CGN: variants seen among roughly 807,000 people sequenced by gnomAD.
CGN encodes the protein cingulin.
A neutral mutation model predicts 157.1 loss-of-function variants in CGN; 121 were observed. The observed-to-expected ratio is 0.77, with a 90% CI of 0.66 to 0.90. The LOEUF is 0.90. Ranked by LOEUF, CGN falls within the 40% of genes least tolerant of loss-of-function variation. The probability of loss-of-function intolerance (pLI) is 0.00; values close to 1 mark genes in which losing one functional copy is unlikely to be tolerated. For synonymous variants in CGN, 535 were observed against 607.5 expected (o/e 0.88, Z 1.76); for missense variants, 1,424 against 1,520.9 (o/e 0.94, Z 1.06).
intron 18 of CGN, 84 bp from the exon 19 acceptor site, chr1:151,536,153 G>A: frequency 1.1e-6 from 1 of 873,310 alleles, no homozygotes; most frequent in African/African-American, 1.6e-5. Context: ...ATGGCTGAGA[G>A]GAGTCCTTGG....
At chr1:151,534,162 G>A (rs1664908342) in intron 15 of CGN, 26 bp downstream of exon 15, 1 of 1,546,910 alleles carries the variant, frequency 6.5e-7, no homozygotes, top group Non-Finnish European at 8.7e-7. Flanking sequence ...TGTGACCTGT[G>A]GAAAAAGGGT....
intron 9 of CGN, 49 bp from the exon 10 acceptor site, chr1:151,526,926 T>G (rs1664693938): frequency 6.2e-7 from 1 of 1,611,924 alleles, no homozygotes; most frequent in Non-Finnish European, 8.5e-7. Context: ...CCCAGGCATG[T>G]GGCCTTACTC....
chr1:151,520,144 TC>T (rs1553245453), intron 2 of CGN, 21 bp from the exon 3 acceptor site: 1 of 1,551,052 alleles, frequency 6.4e-7, no homozygotes, highest in Non-Finnish European at 8.8e-7. Flanking sequence ...CTTTTTTTTT[TC>T]TTTTTCTTTT....
chr1:151,519,258 A>G lies in CGN; in HGVS notation c.739A>G (p.Thr247Ala). The change falls in exon 2 of 21, where the codon ACT (threonine) becomes GCT (alanine). Residue 247 changes from threonine to alanine, a missense_variant. Thr to Ala is a moderately conservative substitution (Grantham distance 58). This residue lies in a region of CGN where 1,187 missense variants were observed against 1,217.6 expected (regional missense o/e 0.97). Transcript: ENST00000271636. ...SSTKYDNHVG[T>A]SKQPAQSQNL... ...CACAAAATATGACAACCATGTGGGC[A>G]CTTCGAAGCAGCCAGCCCAGAGCCA... The G allele has an allele frequency of 6.2e-7, 1 of 1,614,138 alleles. No homozygotes were observed. Among genetic ancestry groups the G allele is most frequent in the African/African-American group, 1.3e-5 (1 of 75,052 alleles).
At chr1:151,525,204 C>A (rs1398685588) in intron 8 of CGN, among the ~76,000 whole-genome samples, 1 of 152,040 alleles carries the variant, frequency 6.6e-6, no homozygotes, top group Non-Finnish European at 1.5e-5. Context: ...TAGAGACCAG[C>A]CTGGGTAACA....
At chr1:151,525,842 TTC>T in intron 9 of CGN, 52 bp downstream of exon 9, 3 of 1,260,556 alleles carry the variant, frequency 2.4e-6, no homozygotes, top group Non-Finnish European at 3.1e-6. Context: ...GCCACTTCCT[TTC>T]TTTTTTTTAA....
In CGN at chr1:151,532,419, G is replaced by A; in HGVS notation, c.2589G>A (p.Glu863=). 6.3e-7 allele frequency: 1 copy of A among 1,575,988 alleles called. No individual in the cohort carries two copies. Among genetic ancestry groups the A allele is most frequent in the Admixed American group, 1.9e-5 (1 of 51,482 alleles). ...TGTTTCAGTTGGAGAAGATCGGGGA[G>A]GACTCTAAGCAAGCCCTGCAGCAGC... ...RLNKELEKIG[E]DSKQALQQLQ... The change falls in exon 14 of 21, where the codon GAG becomes GAA. Residue 863 remains glutamate (E), a synonymous_variant. Transcript: ENST00000271636.
At chr1:151,526,705 C>A (rs1664689239) in intron 9 of CGN, among the ~76,000 whole-genome samples, 1 of 152,140 alleles carries the variant, frequency 6.6e-6, no homozygotes, top group South Asian at 2.1e-4. Context: ...AACTCCTGGG[C>A]TCAAGTGATC....
Position 151,524,567 on chromosome 1 carries a change from C to T in CGN, c.1402-107C>T, listed in dbSNP as rs1187354775. 1.7e-6 allele frequency: 2 copies of T among 1,167,484 alleles called. No individual in the cohort carries two copies. The highest frequency in any genetic ancestry group is 2.4e-6 in the Non-Finnish European group (2 of 818,478). 72.3% of individuals were successfully genotyped at this position (1,167,484 alleles called of 1,614,324 possible). On this transcript the variant is annotated intron_variant, in intron 7 of 20. Transcript: ENST00000271636. The surrounding 1 kb of genome is among the most constrained non-coding windows in gnomAD (Gnocchi z 4.4). ...CTGGGCTCCAGTACTGGTACTAGAG[C>T]ACCTGGTACTGTGCCTAATACGATA...
chr1:151,530,490 C>G lies in CGN; in HGVS notation c.2315C>G (p.Ala772Gly), dbSNP rs144143337. 0.011 allele frequency: 17,576 copies of G among 1,575,974 alleles called. 198 individuals carry two copies. The highest frequency in any genetic ancestry group is 0.011 in the Non-Finnish European group (12,780 of 1,169,030). ...RLRDKLQRLEAEKQQLEEALN... is the reference protein window; with the variant it reads ...RLRDKLQRLEGEKQQLEEALN... ...CAACCCTGCTTCCCTACCTCCCAGG[C>G]AGAGAAACAGCAGCTGGAGGAGGCC... Residue 772 changes from alanine (A) to glycine (G), a missense_variant and splice_region_variant, in exon 13 of 21, where the codon GCA (alanine) becomes GGA (glycine). Ala to Gly is a moderately conservative substitution (Grantham distance 60). Transcript: ENST00000271636.
At position 151,525,175 on chromosome 1, in the gene CGN, C is replaced by G. The variant is rs534453130; in HGVS notation, c.1614+289C>G. On this transcript the variant is annotated intron_variant, in intron 8 of 20. Coordinates refer to ENST00000271636, the MANE Select transcript of CGN (RefSeq NM_020770.3). ...ACTTTGGGAGGCTGAGGCGGGTGGACTGCTTGAGCTCAGGAAGTTAGAGAC... is the reference window on the plus strand; with the variant it reads ...ACTTTGGGAGGCTGAGGCGGGTGGAGTGCTTGAGCTCAGGAAGTTAGAGAC... Among the ~76,000 whole-genome samples the G allele has an allele frequency of 3.3e-5, 5 of 152,096 alleles. No homozygotes were observed. The South Asian group carries it at 1.0e-3, about 32-fold the overall frequency.
Position 151,527,934 on chromosome 1 carries a change from C to CTATATATA in CGN, c.1896+837_1896+844dup, listed in dbSNP as rs754988918. On this transcript the variant is annotated intron_variant, in intron 10 of 20. Coordinates refer to ENST00000271636, the MANE Select transcript of CGN (RefSeq NM_020770.3). ...TGCAGTTGGAGATCCCATGGCCACACTATATATATATATATATTTTTTTTT... is the reference window on the plus strand; with the variant it reads ...TGCAGTTGGAGATCCCATGGCCACACTATATATATATATATATATATATATTTTTTTTT... 36 of 168,090 alleles carry CTATATATA rather than the reference C, an allele frequency of 2.1e-4. 1 individual carries two copies. Among genetic ancestry groups the CTATATATA allele is most frequent in the Admixed American group, 1.4e-3 (14 of 9,990 alleles). The allele number at this position is 168,090 out of a possible 1,614,324, so 10.4% of individuals were successfully genotyped here.
At position 151,536,303 on chromosome 1, in the gene CGN, G is replaced by T. The variant is rs775978970; in HGVS notation, c.3264G>T (p.Gln1088His). ...LERKVKELSI[Q>H]IEDERQHVND... ...GGAAAGTTAAAGAACTATCCATCCA[G>T]ATTGAAGACGAGCGGCAGCATGTCA... The change falls in exon 19 of 21, where the codon CAG becomes CAT. Residue 1088 changes from glutamine to histidine, a missense_variant. Physicochemically the swap from Gln to His is conservative, Grantham distance 24. Coordinates refer to ENST00000271636, the MANE Select transcript of CGN (RefSeq NM_020770.3). The T allele has an allele frequency of 1.2e-6, 2 of 1,612,848 alleles. No individual in the cohort carries two copies. The highest frequency in any genetic ancestry group is 2.7e-5 in the African/African-American group (2 of 74,902).
chr1:151,532,640 G>A, intron 14 of CGN, 68 bp downstream of exon 14: 3 of 1,176,538 alleles, frequency 2.5e-6, no homozygotes, highest in Non-Finnish European at 3.3e-6. Context: ...TTTTGTCCGA[G>A]ACAGAGTCTC....
chr1:151,532,357 G>A, intron 13 of CGN, 45 bp from the exon 14 acceptor site: 2 of 1,393,642 alleles, frequency 1.4e-6, no homozygotes, highest in South Asian at 3.5e-5. Context: ...GCCTGGAGAG[G>A]GTCATTTATG....
intron 6 of CGN, among the ~76,000 whole-genome samples, 198 bp downstream of exon 6, chr1:151,523,759 A>C (rs1035967956): frequency 6.6e-6 from 1 of 152,196 alleles, no homozygotes; most frequent in African/African-American, 2.4e-5. Flanking sequence ...CATGATTTGG[A>C]GTTAAGCTAC....
Position 151,536,735 on chromosome 1 carries a change from C to G in CGN, c.3312C>G (p.Ser1104Arg). 6.2e-7 allele frequency: 1 copy of G among 1,614,006 alleles called. No individual in the cohort carries two copies. Among genetic ancestry groups the G allele is most frequent in the Non-Finnish European group, 8.5e-7 (1 of 1,179,986 alleles). Residue 1104 changes from serine (S) to arginine (R), a missense_variant, in exon 20 of 21, where the codon AGC becomes AGG. This residue lies in a region of CGN where 199 missense variants were observed against 272.2 expected (regional missense o/e 0.73). Transcript: ENST00000271636. Reference sequence around the variant, plus strand: ...GGACTTGGTATCCTGCCCAGCTAAGCCTGAGGGTGAAGGCTTTGAAGCGTC... The same window carrying G: ...GGACTTGGTATCCTGCCCAGCTAAGGCTGAGGGTGAAGGCTTTGAAGCGTC... ...QHVNDQKDQL[S>R]LRVKALKRQV...
intron 9 of CGN, among the ~76,000 whole-genome samples, chr1:151,526,526 T>G (rs1664686076): frequency 6.6e-6 from 1 of 151,914 alleles, no homozygotes; most frequent in South Asian, 2.1e-4. Context: ...CAGGCTGGAG[T>G]GCAGTGGCAC....
intron 14 of CGN, among the ~76,000 whole-genome samples, chr1:151,533,597 A>G (rs1169952191): frequency 2.0e-5 from 3 of 151,640 alleles, no homozygotes; most frequent in African/African-American, 4.9e-5. Context: ...GATTGAGACC[A>G]TCTTGGCTAA....
Sources: gnomAD v4.1 joint callset for allele counts (sites outside exome capture counted in the v4.1 genomes callset) on GRCh38, gnomAD v4.1.1 for gene constraint, gnomAD v4.1.1 regional missense constraint, Gnocchi (gnomAD v3.1) non-coding constraint, MANE v1.5 for transcripts, NCBI Gene and HGNC (gene_info 2026-07-23, HGNC 2026-07-21) for gene names.